The following RMC1 variants were observed in gnomAD, a reference collection of about 807,000 sequenced individuals.
RMC1 encodes the protein regulator of MON1-CCZ1, also known as regulator of MON1-CCZ1 complex.
RMC1 carries 44 observed loss-of-function variants against 95.5 expected under a neutral mutation model. The ratio of observed to expected loss-of-function variants is 0.46; its 90% CI spans 0.36 to 0.59. The LOEUF is 0.59. Among genes scored for constraint, RMC1 ranks in the 20% least tolerant of loss-of-function variants. The pLI is 0.00. For synonymous variants in RMC1, 320 were observed against 303.6 expected, an observed-to-expected ratio of 1.05 and a Z score of -0.56; for missense variants, 705 against 819.6, an observed-to-expected ratio of 0.86 and a Z score of 1.71.
At chr18:23,529,422 G>A in intron 15 of RMC1, 124 bp downstream of exon 15, 2 of 1,434,382 alleles carry the variant, frequency 1.4e-6, no homozygotes, top group East Asian at 2.4e-5. Context: ...AGTTTCCTTG[G>A]GTGAGGCCCT....
intron 10 of RMC1, chr18:23,522,573 G>A (rs547226486): frequency 1.3e-5 from 2 of 152,528 alleles, no homozygotes; most frequent in South Asian, 4.1e-4. Flanking sequence ...AAGGCCCAGG[G>A]AAGCCAAAAC....
chr18:23,524,583 G>T (rs1045563442), intron 12 of RMC1, 101 bp downstream of exon 12: 21 of 1,208,312 alleles, frequency 1.7e-5, no homozygotes, highest in Non-Finnish European at 2.4e-5. Context: ...TCTTAGAAAT[G>T]ACCCCTCCTT....
chr18:23,504,641 T>A, intron 2 of RMC1, 194 bp downstream of exon 2: 1 of 495,958 alleles, frequency 2.0e-6, no homozygotes, highest in South Asian at 2.7e-5. Flanking sequence ...GTGGAATATC[T>A]GGAGCAGTTG....
At chr18:23,529,793 CAT>C in intron 16 of RMC1, 81 bp downstream of exon 16, 2 of 1,377,488 alleles carry the variant, frequency 1.5e-6, no homozygotes, top group Non-Finnish European at 2.1e-6. Context: ...GAAGATGACT[CAT>C]ATGCTAAGAC....
At position 23,520,216 on chromosome 18, in the gene RMC1, C is replaced by G. The variant is rs112752406; in HGVS notation, c.864C>G (p.Phe288Leu). The G allele has an allele frequency of 6.2e-7, 1 of 1,613,764 alleles. No homozygotes were observed. Among genetic ancestry groups the G allele is most frequent in the South Asian group, 1.1e-5 (1 of 91,072 alleles). The change falls in exon 10 of 20, where the codon TTC (phenylalanine) becomes TTG (leucine). Residue 288 changes from phenylalanine (F) to leucine (L), a missense_variant. Transcript: ENST00000269221. The stretch of plus-strand genomic sequence containing the variant: ...TTCCCCCCCAGACATCGGTAATATT[C>G]GATATCAAGTTACGGGGAGAGTTTG... The part of the protein sequence containing the change: ...HHQDTETSVI[F>L]DIKLRGEFDG...
chr18:23,515,852 T>G lies in RMC1; in HGVS notation c.409-4T>G. The G allele has an allele frequency of 6.2e-7, 1 of 1,614,082 alleles. No individual in the cohort carries two copies. Among genetic ancestry groups the G allele is most frequent in the Non-Finnish European group, 8.5e-7 (1 of 1,180,002 alleles). On this transcript the variant is annotated splice_polypyrimidine_tract_variant and splice_region_variant and intron_variant, in intron 5 of 19. Transcript: ENST00000269221. Reference sequence around the variant, plus strand: ...AAGATCCTGTTTCTTAAACTCTGCTTCAGGTATTACCAGAGAAACGGAGTC... The same window carrying G: ...AAGATCCTGTTTCTTAAACTCTGCTGCAGGTATTACCAGAGAAACGGAGTC...
chr18:23,515,023 G>A (rs2057962618), intron 5 of RMC1, among the ~76,000 whole-genome samples: 1 of 152,056 alleles, frequency 6.6e-6, no homozygotes, highest in Non-Finnish European at 1.5e-5. Flanking sequence ...TAGAAGAAGG[G>A]AGCTCCTCCC....
chr18:23,517,213 G>A (rs1341110987), intron 7 of RMC1, among the ~76,000 whole-genome samples: 6 of 150,710 alleles, frequency 4.0e-5, no homozygotes, highest in Non-Finnish European at 7.4e-5. Flanking sequence ...ACAGTGGCAC[G>A]ATCTTGGCTC....
intron 17 of RMC1, 45 bp from the exon 18 acceptor site, chr18:23,530,184 A>G: frequency 6.2e-7 from 1 of 1,613,910 alleles, no homozygotes; most frequent in Non-Finnish European, 8.5e-7. Context: ...GGAAAATTTT[A>G]ACCGTTATCT....
chr18:23,507,345 G>A (rs530471003), intron 3 of RMC1, among the ~76,000 whole-genome samples: 27 of 152,100 alleles, frequency 1.8e-4, no homozygotes, highest in African/African-American at 6.5e-4. Flanking sequence ...CTGCAGCCTC[G>A]ATCTCTCAGG....
chr18:23,528,258 AAAATTAAATTAG>A (rs1440904286), intron 14 of RMC1: 1 of 170,720 alleles, frequency 5.9e-6, no homozygotes, highest in African/African-American at 2.4e-5. Context: ...GAGGACTTAG[AAAATTAAATTAG>A]AAATATTTAT....
chr18:23,516,310 C>A lies in RMC1; in HGVS notation c.550-10C>A. ...ATAAGCTTTTCCTAAAACATTTTCC[C>A]CCTAAACAGGCTGGCACTATGTCGA... On this transcript the variant is annotated splice_polypyrimidine_tract_variant and intron_variant, in intron 6 of 19. Coordinates refer to ENST00000269221, the MANE Select transcript of RMC1 (RefSeq NM_013326.5). The A allele has an allele frequency of 6.2e-7, 1 of 1,613,848 alleles. No homozygotes were observed. The highest frequency in any genetic ancestry group is 8.5e-7 in the Non-Finnish European group (1 of 1,179,732).
Position 23,524,184 on chromosome 18 carries a change from A to T in RMC1, c.1006+10A>T. 1 of 1,613,298 alleles carries T rather than the reference A, an allele frequency of 6.2e-7. No homozygotes were observed. The highest frequency in any genetic ancestry group is 8.5e-7 in the Non-Finnish European group (1 of 1,179,976). ...GTTCCATGTAAACTCTGTATCCTTT[A>T]CTAAGGTGTGGCACCGTGCACAACA... On this transcript the variant is annotated intron_variant, in intron 11 of 19. Transcript: ENST00000269221.
intron 5 of RMC1, among the ~76,000 whole-genome samples, chr18:23,511,608 T>G (rs1174288979): frequency 6.6e-6 from 1 of 152,166 alleles, no homozygotes; most frequent in Non-Finnish European, 1.5e-5. Flanking sequence ...TACAAACTTC[T>G]TTTTAACAAA....
intron 12 of RMC1, among the ~76,000 whole-genome samples, chr18:23,525,415 T>C (rs1436784334): frequency 6.6e-6 from 1 of 151,928 alleles, no homozygotes; most frequent in Non-Finnish European, 1.5e-5. Context: ...GCCCAGTTAA[T>C]TTATTATAAT....
At chr18:23,516,668 TA>T (rs2058014009) in intron 7 of RMC1, among the ~76,000 whole-genome samples, 1 of 152,130 alleles carries the variant, frequency 6.6e-6, no homozygotes, top group Non-Finnish European at 1.5e-5. Flanking sequence ...TCTAGCCTGA[TA>T]AAACAAGAAC....
At position 23,530,096 on chromosome 18, in the gene RMC1, C is replaced by A; in HGVS notation, c.1563C>A (p.Phe521Leu). ...ACCTCTTTTATATGCTGCATCAGTT[C>A]CTGCAGTACCACGTCCTCAGCGACT... The part of the protein sequence containing the change: ...QHNLFYMLHQ[F>L]LQYHVLSDSK... Residue 521 changes from phenylalanine to leucine, a missense_variant, in exon 17 of 20, where the codon TTC (phenylalanine) becomes TTA (leucine). Phe to Leu is a conservative substitution (Grantham distance 22). Coordinates refer to ENST00000269221, the MANE Select transcript of RMC1 (RefSeq NM_013326.5). 3.1e-6 allele frequency: 5 copies of A among 1,614,194 alleles called. No homozygotes were observed. Among genetic ancestry groups the A allele is most frequent in the Non-Finnish European group, 4.2e-6 (5 of 1,180,022 alleles).
intron 5 of RMC1, among the ~76,000 whole-genome samples, chr18:23,510,610 G>C (rs1437050737): frequency 6.6e-6 from 1 of 151,980 alleles, no homozygotes; most frequent in African/African-American, 2.4e-5. Flanking sequence ...TGGTGCCACT[G>C]CACTCCAGCC....
In RMC1 at chr18:23,512,857, T is replaced by C. The variant is rs376045826; in HGVS notation, c.409-2999T>C. 3.9e-5 allele frequency among the ~76,000 whole-genome samples: 6 copies of C among 152,304 alleles called. No homozygotes were observed. The East Asian group carries it at 9.6e-4, about 24-fold the overall frequency. ...TTGTTATGAAATAGCTCCAGAACTTTTTTCATCTTGTGAAACCAAAACTAT... is the reference window on the plus strand; with the variant it reads ...TTGTTATGAAATAGCTCCAGAACTTCTTTCATCTTGTGAAACCAAAACTAT... On this transcript the variant is annotated intron_variant, in intron 5 of 19. Transcript: ENST00000269221.
Sources: gnomAD v4.1 joint callset for allele counts (sites outside exome capture counted in the v4.1 genomes callset) on GRCh38, gnomAD v4.1.1 for gene constraint, MANE v1.5 for transcripts, NCBI Gene and HGNC (gene_info 2026-07-23, HGNC 2026-07-21) for gene names.